Variants in RBFOX3 observed in about 807,000 individuals in gnomAD.
RBFOX3 encodes the protein RNA binding protein fox-1 homolog 3.
A neutral mutation model predicts 48.7 loss-of-function variants in RBFOX3; 17 were observed. The ratio of observed to expected loss-of-function variants is 0.35; its 90% CI spans 0.24 to 0.52. The LOEUF is 0.52. RBFOX3 is among the 20% of genes least tolerant of loss of function. The pLI is 0.94. For missense variants in RBFOX3, 382 were observed against 497.5 expected (o/e 0.77, Z 2.21); for synonymous variants, 212 against 209.5 (o/e 1.01, Z -0.10).
At chr17:79,632,327 A>G in the RBFOX3 span, among the ~76,000 whole-genome samples, 2 of 152,096 alleles carry the variant, frequency 1.3e-5, no homozygotes, top group African/African-American at 4.8e-5. Context: ...GCTTCTGGAA[A>G]CCAGAGGAGA....
intron 2 of RBFOX3, among the ~76,000 whole-genome samples, chr17:79,433,271 C>G (rs2068799112): frequency 6.6e-6 from 1 of 152,202 alleles, no homozygotes; most frequent in South Asian, 2.1e-4. Context: ...GCTCCCTCAC[C>G]ACAGTCCTAC....
At chr17:79,234,695 G>C (rs893518958) in intron 4 of RBFOX3, 1 of 119,936 alleles carries the variant, frequency 8.3e-6, no homozygotes, top group Non-Finnish European at 1.7e-5. Flanking sequence ...CTTTATGTTT[G>C]TTGGGTTTAT....
At position 79,311,948 on chromosome 17, in the gene RBFOX3, C is replaced by G. The variant is rs149286095; in HGVS notation, c.-174-4124G>C. ...GACAACCCAGGTGCCAGCTTCAGCT[C>G]GGGCCTGAAAATCCCTCCCCGTCAG... On this transcript the variant is annotated intron_variant, in intron 2 of 14. Coordinates refer to ENST00000693108, the MANE Select transcript of RBFOX3 (RefSeq NM_001350451.2). The surrounding 1 kb of genome is among the most constrained non-coding windows in gnomAD (Gnocchi z 4.2). Among the ~76,000 whole-genome samples, 154 of 152,280 alleles carry G rather than the reference C, an allele frequency of 1.0e-3. No homozygotes were observed. The highest frequency in any genetic ancestry group is 3.5e-3 in the African/African-American group (147 of 41,564).
At chr17:79,620,514 C>T in the RBFOX3 span, among the ~76,000 whole-genome samples, 13 of 150,076 alleles carry the variant, frequency 8.7e-5, no homozygotes, top group African/African-American at 3.0e-4. Context: ...CATGCGCATA[C>T]GTGCACATGC....
intron 2 of RBFOX3, among the ~76,000 whole-genome samples, chr17:79,451,173 T>A (rs184984171): frequency 6.6e-6 from 1 of 152,292 alleles, no homozygotes; most frequent in Non-Finnish European, 1.5e-5. Context: ...GGACATATGA[T>A]GTTTAGGAGC....
intron 1 of RBFOX3, among the ~76,000 whole-genome samples, chr17:79,497,845 T>C (rs1326207483): frequency 1.3e-5 from 2 of 152,012 alleles, no homozygotes; most frequent in Non-Finnish European, 2.9e-5. Flanking sequence ...AAGCTTAGAG[T>C]CTGCCCAAGA....
At chr17:79,141,617 T>C (rs1401818570) in intron 4 of RBFOX3, among the ~76,000 whole-genome samples, 1 of 152,172 alleles carries the variant, frequency 6.6e-6, no homozygotes, top group Non-Finnish European at 1.5e-5. Flanking sequence ...CCACAGCCCC[T>C]TGGCAATGTG....
chr17:79,189,919 C>T (rs1599883578), intron 4 of RBFOX3, among the ~76,000 whole-genome samples: 1 of 152,364 alleles, frequency 6.6e-6, no homozygotes, highest in East Asian at 1.9e-4. Context: ...CCACTGCAGA[C>T]ATGACTGATG....
intron 4 of RBFOX3, among the ~76,000 whole-genome samples, chr17:79,127,890 C>T (rs940385488): frequency 2.0e-5 from 3 of 152,212 alleles, no homozygotes; most frequent in Non-Finnish European, 4.4e-5. Context: ...AAAATGGGCA[C>T]CGGAGAGGCT....
At chr17:79,499,906 C>T (rs1403836456) in intron 1 of RBFOX3, among the ~76,000 whole-genome samples, 2 of 152,212 alleles carry the variant, frequency 1.3e-5, no homozygotes, top group African/African-American at 4.8e-5. Flanking sequence ...ATGCCCTTTG[C>T]CATGCGATTT....
intron 10 of RBFOX3, 73 bp downstream of exon 10, chr17:79,097,619 C>A: frequency 7.3e-7 from 1 of 1,363,632 alleles, no homozygotes; most frequent in South Asian, 1.3e-5. Flanking sequence ...CATGCCCCGC[C>A]CCCAGAGCCC....
Position 79,421,713 on chromosome 17 carries a change from C to A in RBFOX3, c.-175+60741G>T, listed in dbSNP as rs2066415098. ...GACCATAGGACCAAGCAAGATGACG[C>A]AGGCCCCTGGCAAGCCTGAGGCCGG... On this transcript the variant is annotated intron_variant, in intron 2 of 14. Coordinates refer to ENST00000693108, the MANE Select transcript of RBFOX3 (RefSeq NM_001350451.2). The surrounding 1 kb of genome is among the most constrained non-coding windows in gnomAD (Gnocchi z 4.5). 1.3e-5 allele frequency among the ~76,000 whole-genome samples: 2 copies of A among 152,184 alleles called. No homozygotes were observed. Among genetic ancestry groups the A allele is most frequent in the African/African-American group, 2.4e-5 (1 of 41,444 alleles).
chr17:79,108,109 C>T (rs2077757829), intron 5 of RBFOX3, among the ~76,000 whole-genome samples: 2 of 152,252 alleles, frequency 1.3e-5, no homozygotes, highest in Admixed American at 1.3e-4. Context: ...CTCTGGGCCT[C>T]CTGACACTCC....
chr17:79,121,957 T>G (rs537330214), intron 4 of RBFOX3, among the ~76,000 whole-genome samples: 15 of 152,246 alleles, frequency 9.9e-5, no homozygotes, highest in Non-Finnish European at 2.1e-4. Context: ...CTGATACACT[T>G]TGGGGGTTTG....
the RBFOX3 span, among the ~76,000 whole-genome samples, chr17:79,651,365 T>C: frequency 6.6e-6 from 1 of 152,242 alleles, no homozygotes; most frequent in African/African-American, 2.4e-5. Context: ...AAGTCTCCAG[T>C]GGACAACAGC....
intron 1 of RBFOX3, among the ~76,000 whole-genome samples, chr17:79,508,552 C>T (rs948993263): frequency 5.9e-5 from 9 of 152,310 alleles, no homozygotes; most frequent in Admixed American, 5.2e-4. Flanking sequence ...CTGGCTCGGC[C>T]GAAGCTGACT....
chr17:79,253,343 G>T (rs1425232116), intron 3 of RBFOX3, among the ~76,000 whole-genome samples: 2 of 151,230 alleles, frequency 1.3e-5, no homozygotes, highest in Non-Finnish European at 3.0e-5. Context: ...TGATCCAGCT[G>T]AGGTTAAAAA....
At chr17:79,586,542 T>G (rs2093256433) in intron 1 of RBFOX3, among the ~76,000 whole-genome samples, 1 of 152,236 alleles carries the variant, frequency 6.6e-6, no homozygotes, top group Non-Finnish European at 1.5e-5. Context: ...CCCCCAGGCA[T>G]GAGGACGTTC....
At position 79,603,200 on chromosome 17, in the gene RBFOX3, C is replaced by T. The variant is rs1225848650; in HGVS notation, c.-320+7626G>A. On this transcript the variant is annotated intron_variant, in intron 1 of 14. Coordinates refer to ENST00000693108, the MANE Select transcript of RBFOX3 (RefSeq NM_001350451.2). Reference sequence around the variant, plus strand: ...ATAGATGGGGTTTCACCATGTTGACCAGGCTGGTGTTGAGCTCCTGACCTC... The same window carrying T: ...ATAGATGGGGTTTCACCATGTTGACTAGGCTGGTGTTGAGCTCCTGACCTC... Among the ~76,000 whole-genome samples the T allele has an allele frequency of 1.1e-4, 17 of 152,200 alleles. No homozygotes were observed. The East Asian group carries it at 3.3e-3, about 29-fold the overall frequency.
Sources: allele counts gnomAD v4.1 joint callset (sites outside exome capture counted in the v4.1 genomes callset), GRCh38; gene constraint gnomAD v4.1.1; non-coding constraint Gnocchi (gnomAD v3.1); transcripts MANE v1.5; gene names NCBI Gene and HGNC (gene_info 2026-07-23, HGNC 2026-07-21).